The following PCLO variants were observed in gnomAD, a reference collection of about 807,000 sequenced individuals.
PCLO encodes protein piccolo.
PCLO carries 82 observed loss-of-function variants against 427.5 expected under a neutral mutation model. The ratio of observed to expected loss-of-function variants is 0.19; its 90% CI spans 0.16 to 0.23. The LOEUF is 0.23. PCLO is among the 10% of genes least tolerant of loss of function. The pLI is 1.00. For synonymous variants in PCLO, 2,357 were observed against 2,155.4 expected (o/e 1.09, Z -2.59); for missense variants, 6,239 against 6,115.9 (o/e 1.02, Z -0.67).
intron 2 of PCLO, among the ~76,000 whole-genome samples, chr7:83,148,298 C>A (rs950583873): frequency 1.3e-5 from 2 of 152,108 alleles, no homozygotes; most frequent in Non-Finnish European, 2.9e-5. Context: ...ACCCTACAAC[C>A]CAACCCCATC....
In PCLO at chr7:82,931,411, CAAT is replaced by C. The variant is rs1017411198; in HGVS notation, c.11113-14541_11113-14539del. ...CTCAAAATTTAGTGGCTTAAAACAACAATATTTACATTTTCTGTGGGTCAGCAA... is the reference window on the plus strand; with the variant it reads ...CTCAAAATTTAGTGGCTTAAAACAACATTTACATTTTCTGTGGGTCAGCAA... On this transcript the variant is annotated intron_variant, in intron 6 of 24. Transcript: ENST00000333891. Among the ~76,000 whole-genome samples, 55 of 152,192 alleles carry C rather than the reference CAAT, an allele frequency of 3.6e-4. 1 individual carries two copies. The highest frequency in any genetic ancestry group is 3.4e-3 in the Middle Eastern group (1 of 294).
At position 82,956,792 on chromosome 7, in the gene PCLO, A is replaced by T. The variant is rs1428225690; in HGVS notation, c.4161T>A (p.Asp1387Glu). ...AGTCCTTTTTGAGTCCCTTGAGAAT[A>T]TCCTTTTCATCAGTTGGAATAAGAC... ...IPSLIPTDEKDILKGLKKDSF... is the reference protein window; with the variant it reads ...IPSLIPTDEKEILKGLKKDSF... Residue 1387 changes from aspartate to glutamate, a missense_variant, in exon 5 of 25, where the codon GAT becomes GAA. Asp to Glu is a conservative substitution (Grantham distance 45, BLOSUM62 2). Coordinates refer to ENST00000333891, the MANE Select transcript of PCLO (RefSeq NM_033026.6). 1 of 1,613,750 alleles carries T rather than the reference A, an allele frequency of 6.2e-7. No homozygotes were observed. The highest frequency in any genetic ancestry group is 8.5e-7 in the Non-Finnish European group (1 of 1,179,702).
At chr7:83,161,075 C>CACTAGT (rs934615351) in intron 1 of PCLO, among the ~76,000 whole-genome samples, 9 of 152,150 alleles carry the variant, frequency 5.9e-5, no homozygotes, top group Non-Finnish European at 1.0e-4. Flanking sequence ...GGCTAGTTTT[C>CACTAGT]ACTAGTACTA....
rs1792478335 is a variant in PCLO at position 83,162,662 on chromosome 7, G to A, written c.-70C>T. The stretch of plus-strand genomic sequence containing the variant: ...GTCCCAGTCGAGAAGCCCGCGGCCA[G>A]GGGAGCAGTCAGAGCCGGGGTCCGC... On this transcript the variant is annotated 5_prime_UTR_variant, in exon 1 of 25. Coordinates refer to ENST00000333891, the MANE Select transcript of PCLO (RefSeq NM_033026.6). 5 of 1,468,198 alleles carry A rather than the reference G, an allele frequency of 3.4e-6. No homozygotes were observed. Among genetic ancestry groups the A allele is most frequent in the Admixed American group, 2.4e-5 (1 of 41,874 alleles). The allele number at this position is 1,468,198 out of a possible 1,614,324, so 90.9% of individuals were successfully genotyped here. A position where few individuals can be genotyped will look rare whatever the true frequency, so the allele number is the denominator to read the frequency against.
At position 83,022,636 on chromosome 7, in the gene PCLO, C is replaced by A. The variant is rs555821569; in HGVS notation, c.3301-56149G>T. On this transcript the variant is annotated intron_variant, in intron 3 of 24. Transcript: ENST00000333891. ...TTGAATGAATGAAACAAATAATTTACAATATTCCATATTTTCTTTCAAAAT... is the reference window on the plus strand; with the variant it reads ...TTGAATGAATGAAACAAATAATTTAAAATATTCCATATTTTCTTTCAAAAT... Among the ~76,000 whole-genome samples, 28 of 152,280 alleles carry A rather than the reference C, an allele frequency of 1.8e-4. No individual in the cohort carries two copies. In the South Asian group the frequency reaches 5.6e-3, roughly 30 times the overall value.
chr7:82,911,440 A>ATT (rs143954227), intron 7 of PCLO, among the ~76,000 whole-genome samples: 3 of 150,106 alleles, frequency 2.0e-5, no homozygotes, highest in African/African-American at 7.3e-5. Flanking sequence ...GACTAACAGT[A>ATT]TTTTTTTTTT....
At chr7:83,138,154 AC>A (rs1328442751) in intron 2 of PCLO, among the ~76,000 whole-genome samples, 1 of 152,190 alleles carries the variant, frequency 6.6e-6, no homozygotes, top group Non-Finnish European at 1.5e-5. Context: ...ATAGTCACTG[AC>A]TTTTTTCTAT....
intron 10 of PCLO, among the ~76,000 whole-genome samples, chr7:82,856,584 G>T (rs907287428): frequency 6.6e-6 from 1 of 152,106 alleles, no homozygotes; most frequent in Non-Finnish European, 1.5e-5. Context: ...AATTTGATTG[G>T]CCCCTAGAAA....
At chr7:83,051,245 G>T (rs542325577) in intron 3 of PCLO, among the ~76,000 whole-genome samples, 1 of 151,832 alleles carries the variant, frequency 6.6e-6, no homozygotes, top group Non-Finnish European at 1.5e-5. Flanking sequence ...AGATATATAG[G>T]TTGGGAAGAA....
intron 3 of PCLO, among the ~76,000 whole-genome samples, chr7:83,007,550 T>C (rs1239257496): frequency 6.6e-6 from 1 of 151,618 alleles, no homozygotes; most frequent in East Asian, 1.9e-4. Flanking sequence ...TATAGAGAAA[T>C]ATTATGTAGC....
intron 9 of PCLO, among the ~76,000 whole-genome samples, chr7:82,883,983 C>A (rs529839219): frequency 1.1e-4 from 17 of 152,248 alleles, no homozygotes; most frequent in Admixed American, 2.6e-4. Context: ...GTTGGCCAGG[C>A]TGGTCTCAAA....
At chr7:83,024,529 AG>A (rs935324085) in intron 3 of PCLO, among the ~76,000 whole-genome samples, 13 of 151,786 alleles carry the variant, frequency 8.6e-5, no homozygotes, top group Admixed American at 5.3e-4. Context: ...AGGCTGGGGG[AG>A]GGGCGCCCGC....
intron 3 of PCLO, among the ~76,000 whole-genome samples, chr7:83,025,307 G>A (rs1257499221): frequency 1.3e-5 from 2 of 151,558 alleles, no homozygotes; most frequent in East Asian, 3.9e-4. Flanking sequence ...CGTGAAGAAT[G>A]CAGAAGCCTC....
intron 20 of PCLO, chr7:82,821,026 T>C: frequency 8.3e-7 from 1 of 1,202,804 alleles, no homozygotes; most frequent in Non-Finnish European, 1.0e-6. Context: ...ACATATTTTA[T>C]CAGACAATCT....
In PCLO at chr7:82,867,776, C is replaced by T. The variant is rs144838765; in HGVS notation, c.13654+11561G>A. ...GGACATTATTTAGTTTCCTTCATGT[C>T]CCTATCACAAAGATTATAATGTAAG... On this transcript the variant is annotated intron_variant, in intron 10 of 24. Transcript: ENST00000333891. Among the ~76,000 whole-genome samples, 351 of 152,166 alleles carry T rather than the reference C, an allele frequency of 2.3e-3. 1 individual carries two copies. The highest frequency in any genetic ancestry group is 6.8e-3 in the Middle Eastern group (2 of 294).
Position 82,914,965 on chromosome 7 carries a change from T to C in PCLO, c.13021A>G (p.Ser4341Gly), listed in dbSNP as rs1277882854. 6.8e-6 allele frequency: 11 copies of C among 1,613,726 alleles called. No individual in the cohort carries two copies. Among genetic ancestry groups the C allele is most frequent in the Admixed American group, 3.3e-5 (2 of 59,978 alleles). The part of the protein sequence containing the change: ...ASSSARTKPT[S>G]LPISQSRGRI... The stretch of plus-strand genomic sequence containing the variant: ...CCTCTACTTTGACTAATTGGCAAAC[T>C]GGTCGGCTTAGTTCTGGCAGAGGAT... The change falls in exon 7 of 25, where the codon AGT becomes GGT. Residue 4341 changes from serine (S) to glycine (G), a missense_variant. By Grantham distance (56) the Ser-to-Gly change is moderately conservative. This residue lies in a region of PCLO where 680 missense variants were observed against 677.3 expected (regional missense o/e 1.00). Transcript: ENST00000333891.
intron 3 of PCLO, among the ~76,000 whole-genome samples, chr7:83,062,296 T>C (rs937049404): frequency 4.6e-5 from 7 of 152,124 alleles, no homozygotes; most frequent in Admixed American, 6.5e-5. Flanking sequence ...TTCACCAATG[T>C]GCTAAATCAT....
At chr7:82,860,349 CAT>C (rs1792921770) in intron 10 of PCLO, among the ~76,000 whole-genome samples, 1 of 152,002 alleles carries the variant, frequency 6.6e-6, no homozygotes, top group East Asian at 1.9e-4. Flanking sequence ...AGCTCCAATA[CAT>C]CTGGTAGCAG....
intron 6 of PCLO, among the ~76,000 whole-genome samples, chr7:82,925,252 A>AT (rs919054453): frequency 3.3e-5 from 5 of 151,428 alleles, no homozygotes; most frequent in East Asian, 1.9e-4. Flanking sequence ...TATGCAGGGT[A>AT]TTTTTTTTTC....
Sources: gnomAD v4.1 joint callset for allele counts (sites outside exome capture counted in the v4.1 genomes callset) on GRCh38, gnomAD v4.1.1 for gene constraint, gnomAD v4.1.1 regional missense constraint, MANE v1.5 for transcripts, NCBI Gene and HGNC (gene_info 2026-07-23, HGNC 2026-07-21) for gene names.